Variants in DLGAP2 observed in about 807,000 individuals in gnomAD.
DLGAP2 encodes the protein DLG associated protein 2.
Under a neutral mutation model 100.3 loss-of-function variants are expected in DLGAP2, and 26 were observed. That is an observed-to-expected ratio of 0.26 (90% CI 0.19 to 0.36). The LOEUF (loss-of-function observed/expected upper bound fraction) is 0.36, where lower values mean the gene tolerates loss of function less well. DLGAP2 is among the 10% of genes least tolerant of loss of function. The probability of loss-of-function intolerance (pLI) is 1.00; values close to 1 mark genes in which losing one functional copy is unlikely to be tolerated. For synonymous variants in DLGAP2, 886 were observed against 630.1 expected (o/e 1.41, Z -6.08); for missense variants, 1,858 against 1,453.2 (o/e 1.28, Z -4.53).
chr8:1,130,073 G>GACAA (rs1563206956), intron 2 of DLGAP2, among the ~76,000 whole-genome samples: 3 of 150,514 alleles, frequency 2.0e-5, no homozygotes, highest in East Asian at 2.0e-4. Context: ...ACTTCACGTG[G>GACAA]GTTAAGGGAT....
At chr8:1,446,985 A>G (rs1797999944) in intron 3 of DLGAP2, among the ~76,000 whole-genome samples, 1 of 152,072 alleles carries the variant, frequency 6.6e-6, no homozygotes, top group Non-Finnish European at 1.5e-5. Flanking sequence ...GCTTAAGGAG[A>G]TTTTGGGCTG....
intron 3 of DLGAP2, among the ~76,000 whole-genome samples, chr8:1,325,713 G>A (rs1801006637): frequency 1.3e-5 from 2 of 152,194 alleles, no homozygotes; most frequent in Admixed American, 6.5e-5. Context: ...AGAGTTTAAA[G>A]CAACTTTGGT....
At chr8:1,048,656 A>G (rs1802586483) in intron 2 of DLGAP2, among the ~76,000 whole-genome samples, 1 of 151,876 alleles carries the variant, frequency 6.6e-6, no homozygotes. Flanking sequence ...ACATGCCTTG[A>G]TGTGGGTGCT....
intron 2 of DLGAP2, among the ~76,000 whole-genome samples, chr8:1,058,096 G>A (rs1802936595): frequency 6.6e-6 from 1 of 152,156 alleles, no homozygotes; most frequent in South Asian, 2.1e-4. Context: ...CCCCGAGTGA[G>A]GATCACGTGG....
intron 3 of DLGAP2, among the ~76,000 whole-genome samples, chr8:1,356,075 C>G (rs954741002): frequency 6.6e-6 from 1 of 152,224 alleles, no homozygotes; most frequent in South Asian, 2.1e-4. Context: ...TCACACTACG[C>G]CAGCCAGTGC....
chr8:1,507,963 AC>A (rs201385505), intron 4 of DLGAP2, among the ~76,000 whole-genome samples: 6,434 of 151,822 alleles, frequency 0.042, 369 homozygotes, highest in African/African-American at 0.12. Context: ...GACATCAAAC[AC>A]GTGGTCACAT....
chr8:1,249,269 C>T (rs946698818), intron 2 of DLGAP2, among the ~76,000 whole-genome samples: 128 of 152,080 alleles, frequency 8.4e-4, no homozygotes, highest in Non-Finnish European at 1.2e-3. Context: ...CAGAAATGGG[C>T]CACTGGGCCT....
chr8:1,193,291 A>G (rs1797678532), intron 2 of DLGAP2, among the ~76,000 whole-genome samples: 1 of 152,218 alleles, frequency 6.6e-6, no homozygotes, highest in Non-Finnish European at 1.5e-5. Flanking sequence ...TCCCACCAAC[A>G]GTGTAAAAGT....
intron 2 of DLGAP2, among the ~76,000 whole-genome samples, chr8:1,139,161 T>C (rs1239610913): frequency 6.6e-6 from 1 of 152,164 alleles, no homozygotes; most frequent in African/African-American, 2.4e-5. Context: ...GATGTGGGCA[T>C]GGGTGGCCTG....
At chr8:1,429,082 G>A (rs1173505082) in intron 3 of DLGAP2, among the ~76,000 whole-genome samples, 3 of 152,212 alleles carry the variant, frequency 2.0e-5, no homozygotes, top group Non-Finnish European at 4.4e-5. Context: ...CTTCAGAGGT[G>A]AGACAGAAAA....
intron 2 of DLGAP2, among the ~76,000 whole-genome samples, chr8:1,101,574 TG>T (rs1804580496): frequency 6.6e-6 from 1 of 152,080 alleles, no homozygotes; most frequent in Admixed American, 6.6e-5. Context: ...TCTGGGAAGA[TG>T]GAAGAGTTCC....
chr8:1,231,130 T>G (rs2116833483), intron 2 of DLGAP2, among the ~76,000 whole-genome samples: 1 of 152,198 alleles, frequency 6.6e-6, no homozygotes, highest in Admixed American at 6.5e-5. Context: ...TATAAGAAAC[T>G]TAACAGTTGA....
chr8:1,002,802 G>C (rs1164920954), intron 2 of DLGAP2: 1 of 152,316 alleles, frequency 6.6e-6, no homozygotes, highest in Non-Finnish European at 1.5e-5. Flanking sequence ...CCAGTGGCTG[G>C]AGTGGAGTTA....
chr8:1,001,304 A>G (rs985498465), intron 2 of DLGAP2, among the ~76,000 whole-genome samples: 2 of 152,190 alleles, frequency 1.3e-5, no homozygotes, highest in Admixed American at 6.5e-5. Context: ...ACATCATTTT[A>G]TCGAGAAGTC....
At chr8:1,232,312 G>C (rs186618834) in intron 2 of DLGAP2, among the ~76,000 whole-genome samples, 14 of 152,318 alleles carry the variant, frequency 9.2e-5, no homozygotes, top group Admixed American at 6.5e-4. Flanking sequence ...ACCTGAGTGG[G>C]GGTGTCTTCC....
At chr8:1,604,951 T>C (rs1019052236) in intron 6 of DLGAP2, among the ~76,000 whole-genome samples, 1 of 152,122 alleles carries the variant, frequency 6.6e-6, no homozygotes, top group Non-Finnish European at 1.5e-5. Flanking sequence ...AGGTCTGATG[T>C]CTTGTGTCGT....
At chr8:1,530,758 C>G (rs550350870) in intron 4 of DLGAP2, among the ~76,000 whole-genome samples, 1 of 152,224 alleles carries the variant, frequency 6.6e-6, no homozygotes, top group Non-Finnish European at 1.5e-5. Flanking sequence ...CCAGTCCCTC[C>G]GTCTGGGGTC....
intron 3 of DLGAP2, among the ~76,000 whole-genome samples, chr8:1,478,579 C>G (rs967977624): frequency 1.3e-5 from 2 of 152,176 alleles, no homozygotes; most frequent in African/African-American, 2.4e-5. Flanking sequence ...CAGAATAGAT[C>G]TGGTCCGGGA....
At chr8:990,355 C>G (rs1584952470) in intron 2 of DLGAP2, among the ~76,000 whole-genome samples, 1 of 124,628 alleles carries the variant, frequency 8.0e-6, no homozygotes, top group African/African-American at 3.0e-5. Context: ...TTCTCTCCCT[C>G]CTTGCCCGGA....
Sources: allele counts gnomAD v4.1 joint callset (sites outside exome capture counted in the v4.1 genomes callset), GRCh38; gene constraint gnomAD v4.1.1; transcripts MANE v1.5; gene names NCBI Gene and HGNC (gene_info 2026-07-23, HGNC 2026-07-21).